Variants in GMFB observed in about 807,000 individuals in gnomAD.
GMFB encodes glia maturation factor beta.
In GMFB, 13 loss-of-function variants were observed where a neutral mutation model predicts 25.6. The observed-to-expected ratio is 0.51, with a 90% CI of 0.33 to 0.81. The LOEUF (loss-of-function observed/expected upper bound fraction) is 0.81, where lower values mean the gene tolerates loss of function less well. GMFB is among the 30% of genes least tolerant of loss of function. The pLI, the probability that GMFB is intolerant of heterozygous loss-of-function variation, is 0.02. For missense variants in GMFB, 146 were observed against 175.4 expected, an observed-to-expected ratio of 0.83 and a Z score of 0.95; for synonymous variants, 57 against 56.9, an observed-to-expected ratio of 1.00 and a Z score of 0.00.
At chr14:54,488,755 G>GA in intron 1 of GMFB, 170 bp downstream of exon 1, 1 of 535,278 alleles carries the variant, frequency 1.9e-6, no homozygotes, top group Non-Finnish European at 3.2e-6. Context: ...CGTGGTGGCG[G>GA]CGGCAGAGGC....
chr14:54,483,119 C>T (rs1308688515), intron 2 of GMFB: 1 of 152,780 alleles, frequency 6.5e-6, no homozygotes, highest in Non-Finnish European at 1.5e-5. Context: ...CCTATGAATA[C>T]AAGGGAAATC....
rs868661781 is a variant in GMFB, at chr14:54,488,872, G to A, written c.3+53C>T. On this transcript the variant is annotated intron_variant, in intron 1 of 6. Transcript: ENST00000358056. Reference sequence around the variant, plus strand: ...CCGGCTCCGGAAACCGGGAAAACCCGGCTGGCCGGCTCGCCCAGCCCTCCG... The same window carrying A: ...CCGGCTCCGGAAACCGGGAAAACCCAGCTGGCCGGCTCGCCCAGCCCTCCG... 1.8e-5 allele frequency: 28 copies of A among 1,513,912 alleles called. No individual in the cohort carries two copies. The Middle Eastern group carries it at 7.3e-4, about 40-fold the overall frequency. The allele number at this position is 1,513,912 out of a possible 1,614,324, so 93.8% of individuals were successfully genotyped here.
rs895935051 is a variant in GMFB at position 54,474,883 on chromosome 14, T to C, written c.*3205A>G. 4.6e-5 allele frequency: 7 copies of C among 152,768 alleles called. 1 individual carries two copies. Among genetic ancestry groups the C allele is most frequent in the Admixed American group, 6.5e-5 (1 of 15,304 alleles). 9.5% of individuals were successfully genotyped at this position (152,768 alleles called of 1,614,324 possible). On this transcript the variant is annotated 3_prime_UTR_variant, in exon 7 of 7. Transcript: ENST00000358056. The stretch of plus-strand genomic sequence containing the variant: ...AATAAAAACAAATTTCTCAAGAATA[T>C]TCAGCTTGGGAGCATTGGTTTTAAG...
At position 54,477,865 on chromosome 14, in the gene GMFB, A is replaced by G; in HGVS notation, c.*223T>C. 1 of 373,488 alleles carries G rather than the reference A, an allele frequency of 2.7e-6. No individual in the cohort carries two copies. The highest frequency in any genetic ancestry group is 4.9e-6 in the Non-Finnish European group (1 of 204,050). The allele number at this position is 373,488 out of a possible 1,614,324, so 23.1% of individuals were successfully genotyped here. A position where few individuals can be genotyped will look rare whatever the true frequency, so the allele number is the denominator to read the frequency against. ...GTGCAAAAAGTCCCTGGAGAAAAGT[A>G]GTCCACCTAACAATTACCAATATAA... On this transcript the variant is annotated 3_prime_UTR_variant, in exon 7 of 7. Transcript: ENST00000358056.
At chr14:54,482,424 T>C (rs1442364011) in intron 2 of GMFB, among the ~76,000 whole-genome samples, 1 of 152,218 alleles carries the variant, frequency 6.6e-6, no homozygotes. Context: ...AGTACCTAAT[T>C]TGCTTATTTA....
At position 54,480,939 on chromosome 14, in the gene GMFB, T is replaced by C; in HGVS notation, c.218A>G (p.Tyr73Cys). The C allele has an allele frequency of 6.6e-7, 1 of 1,505,462 alleles. No individual in the cohort carries two copies. The highest frequency in any genetic ancestry group is 1.2e-5 in the South Asian group (1 of 86,286). 93.3% of individuals were successfully genotyped at this position (1,505,462 alleles called of 1,614,324 possible). A position where few individuals can be genotyped will look rare whatever the true frequency, so the allele number is the denominator to read the frequency against. ...ERQPRFIVYS[Y>C]KYQHDDGRVS... is the part of the protein sequence containing the mutation. ...TCTTCCATCATCATGTTGATATTTA[T>C]AACTATACACAATGAAGGTTTTTCT... The change falls in exon 5 of 7, where the codon TAT becomes TGT. Residue 73 changes from tyrosine to cysteine, a missense_variant. Transcript: ENST00000358056.
rs1363320374 is a variant in GMFB at position 54,476,985 on chromosome 14, T to A, written c.*1103A>T. 1 of 151,992 alleles carries A rather than the reference T, an allele frequency of 6.6e-6. No individual in the cohort carries two copies. Among genetic ancestry groups the A allele is most frequent in the East Asian group, 1.9e-4 (1 of 5,200 alleles). The allele number at this position is 151,992 out of a possible 1,614,324, so 9.4% of individuals were successfully genotyped here. The stretch of plus-strand genomic sequence containing the variant: ...TCAGAATATCTTCTGACATTTAGGA[T>A]ATAAGATGTGATTGCTATTGAAGTG... On this transcript the variant is annotated 3_prime_UTR_variant, in exon 7 of 7. Transcript: ENST00000358056.
chr14:54,477,600 A>G lies in GMFB; in HGVS notation c.*488T>C, dbSNP rs1409083839. 1 of 152,150 alleles carries G rather than the reference A, an allele frequency of 6.6e-6. No homozygotes were observed. The highest frequency in any genetic ancestry group is 2.1e-4 in the South Asian group (1 of 4,838). 9.4% of individuals were successfully genotyped at this position (152,150 alleles called of 1,614,324 possible). ...TACAGAATTCATCAATGTACTTGTAATACAGGTTACACTAAATTATTCATG... is the reference window on the plus strand; with the variant it reads ...TACAGAATTCATCAATGTACTTGTAGTACAGGTTACACTAAATTATTCATG... On this transcript the variant is annotated 3_prime_UTR_variant, in exon 7 of 7. Coordinates refer to ENST00000358056, the MANE Select transcript of GMFB (RefSeq NM_004124.3).
rs1299458896 is a variant in GMFB, at chr14:54,474,772, T to A, written c.*3316A>T. The A allele has an allele frequency of 6.6e-6, 1 of 152,666 alleles. No individual in the cohort carries two copies. Among genetic ancestry groups the A allele is most frequent in the Non-Finnish European group, 1.5e-5 (1 of 68,036 alleles). 9.5% of individuals were successfully genotyped at this position (152,666 alleles called of 1,614,324 possible). On this transcript the variant is annotated 3_prime_UTR_variant, in exon 7 of 7. Coordinates refer to ENST00000358056, the MANE Select transcript of GMFB (RefSeq NM_004124.3). ...CAATATTCAAGTAATTATATTTATA[T>A]GAATTATAATCCAAAAAGCAATAAA...
chr14:54,488,878 C>G, intron 1 of GMFB, 47 bp downstream of exon 1: 1 of 1,524,724 alleles, frequency 6.6e-7, no homozygotes, highest in South Asian at 1.2e-5. Context: ...ACCCGGCTGG[C>G]CGGCTCGCCC....
Position 54,480,876 on chromosome 14 carries a change from A to T in GMFB, c.281T>A (p.Val94Asp). ...YPLCFIFSSP[V>D]GCKPEQQMMY... The stretch of plus-strand genomic sequence containing the variant: ...GTTATTTAAAGAAATTCACTTACCA[A>T]CAGGACTGGAGAAAATAAAGCACAG... The change falls in exon 5 of 7, where the codon GTT becomes GAT. Residue 94 changes from valine to aspartate, a missense_variant and splice_region_variant. Val to Asp is a radical substitution (Grantham distance 152). Coordinates refer to ENST00000358056, the MANE Select transcript of GMFB (RefSeq NM_004124.3). 6.8e-7 allele frequency: 1 copy of T among 1,461,168 alleles called. No individual in the cohort carries two copies. The highest frequency in any genetic ancestry group is 9.5e-7 in the Non-Finnish European group (1 of 1,049,924). 90.5% of individuals were successfully genotyped at this position (1,461,168 alleles called of 1,614,324 possible).
At chr14:54,486,695 T>G (rs759263651) in intron 1 of GMFB, among the ~76,000 whole-genome samples, 8 of 152,206 alleles carry the variant, frequency 5.3e-5, no homozygotes, top group Non-Finnish European at 1.0e-4. Context: ...TACATAGATT[T>G]CCTTTTATGT....
chr14:54,479,074 A>G (rs897646053), intron 6 of GMFB: 78 of 152,288 alleles, frequency 5.1e-4, no homozygotes, highest in African/African-American at 1.8e-3. Context: ...ACTTAAAGGC[A>G]TTCCAGAGTT....
rs1360765254 is a variant in GMFB, at chr14:54,488,944, A to G, written c.-17T>C. On this transcript the variant is annotated 5_prime_UTR_variant, in exon 1 of 7. Coordinates refer to ENST00000358056, the MANE Select transcript of GMFB (RefSeq NM_004124.3). ...ACTCACCATTTTCCTTCCGGCCGTCAGCGGCCTGTCGCCTACACTCGGGCG... is the reference window on the plus strand; with the variant it reads ...ACTCACCATTTTCCTTCCGGCCGTCGGCGGCCTGTCGCCTACACTCGGGCG... 1 of 1,559,644 alleles carries G rather than the reference A, an allele frequency of 6.4e-7. No homozygotes were observed. The highest frequency in any genetic ancestry group is 8.7e-7 in the Non-Finnish European group (1 of 1,155,986).
Position 54,475,241 on chromosome 14 carries a change from G to A in GMFB, c.*2847C>T, listed in dbSNP as rs1298390936. The stretch of plus-strand genomic sequence containing the variant: ...CCTTCCTTAATATCTATATGGGTTG[G>A]GGGGAACAGCCAAATTTAATTTGGC... On this transcript the variant is annotated 3_prime_UTR_variant, in exon 7 of 7. Coordinates refer to ENST00000358056, the MANE Select transcript of GMFB (RefSeq NM_004124.3). The A allele has an allele frequency of 2.0e-5, 3 of 152,458 alleles. No homozygotes were observed. The highest frequency in any genetic ancestry group is 6.6e-5 in the Admixed American group (1 of 15,264). 9.4% of individuals were successfully genotyped at this position (152,458 alleles called of 1,614,324 possible). A position where few individuals can be genotyped will look rare whatever the true frequency, so the allele number is the denominator to read the frequency against.
Position 54,475,165 on chromosome 14 carries a change from T to C in GMFB, c.*2923A>G, listed in dbSNP as rs1377547684. ...TATTCATCACTAGTCCACATATGGATTAATGACATTGCTCAGGTTTTAAAA... is the reference window on the plus strand; with the variant it reads ...TATTCATCACTAGTCCACATATGGACTAATGACATTGCTCAGGTTTTAAAA... On this transcript the variant is annotated 3_prime_UTR_variant, in exon 7 of 7. Transcript: ENST00000358056. 1 of 152,600 alleles carries C rather than the reference T, an allele frequency of 6.6e-6. No individual in the cohort carries two copies. Among genetic ancestry groups the C allele is most frequent in the African/African-American group, 2.4e-5 (1 of 41,472 alleles). 9.5% of individuals were successfully genotyped at this position (152,600 alleles called of 1,614,324 possible). A position where few individuals can be genotyped will look rare whatever the true frequency, so the allele number is the denominator to read the frequency against.
chr14:54,482,968 T>G (rs1383126285), intron 2 of GMFB, among the ~76,000 whole-genome samples: 1 of 152,202 alleles, frequency 6.6e-6, no homozygotes, highest in Non-Finnish European at 1.5e-5. Flanking sequence ...GAAATCAGAA[T>G]TCATGACAAG....
At chr14:54,488,666 C>T (rs1358746782) in intron 1 of GMFB, 16 of 435,112 alleles carry the variant, frequency 3.7e-5, no homozygotes, top group Non-Finnish European at 4.5e-5. Flanking sequence ...CCCAACCCCC[C>T]TGCTCGTGGC....
At position 54,488,727 on chromosome 14, in the gene GMFB, G is replaced by A. The variant is rs570510187; in HGVS notation, c.3+198C>T. The A allele has an allele frequency of 1.3e-4, 66 of 504,612 alleles. 1 individual carries two copies. The South Asian group carries it at 1.9e-3, about 15-fold the overall frequency. 31.3% of individuals were successfully genotyped at this position (504,612 alleles called of 1,614,324 possible). Reference sequence around the variant, plus strand: ...GGCGGGTCCACCCCGGGCCCAGCTGGAAGATGCTGCCCTGAGGCGTGGTGG... The same window carrying A: ...GGCGGGTCCACCCCGGGCCCAGCTGAAAGATGCTGCCCTGAGGCGTGGTGG... On this transcript the variant is annotated intron_variant, in intron 1 of 6. Transcript: ENST00000358056.
Sources: gnomAD v4.1 joint callset for allele counts (sites outside exome capture counted in the v4.1 genomes callset) on GRCh38, gnomAD v4.1.1 for gene constraint, MANE v1.5 for transcripts, NCBI Gene and HGNC (gene_info 2026-07-23, HGNC 2026-07-21) for gene names.